The following GKAP1 variants were observed in gnomAD, a reference collection of about 807,000 sequenced individuals.
GKAP1 encodes G kinase anchoring protein 1.
A neutral mutation model predicts 56.7 loss-of-function variants in GKAP1; 31 were observed. The observed-to-expected ratio is 0.55, with a 90% confidence interval of 0.41 to 0.74. GKAP1 has a LOEUF of 0.74. Among genes scored for constraint, GKAP1 ranks in the 30% least tolerant of loss-of-function variants. The pLI, the probability that GKAP1 is intolerant of heterozygous loss-of-function variation, is 0.00. For synonymous variants in GKAP1, 151 were observed against 138.6 expected (o/e 1.09, Z -0.63); for missense variants, 364 against 402.3 (o/e 0.90, Z 0.82).
intron 6 of GKAP1, among the ~76,000 whole-genome samples, chr9:83,783,343 T>A (rs1049844686): frequency 6.6e-6 from 1 of 152,218 alleles, no homozygotes; most frequent in African/African-American, 2.4e-5. Flanking sequence ...TAATGTTGTA[T>A]AGCTGGACTA....
rs535511108 is a variant in GKAP1 at position 83,752,324 on chromosome 9, G to A, written c.840+934C>T. ...CCAGCTACTTGGGAGGCTGAGGCAG[G>A]AGAAGTGCTTGAACCCAGGAGGTGG... On this transcript the variant is annotated intron_variant, in intron 9 of 12. Transcript: ENST00000376371. 3.9e-5 allele frequency among the ~76,000 whole-genome samples: 6 copies of A among 152,328 alleles called. No individual in the cohort carries two copies. In the South Asian group the frequency reaches 1.2e-3, roughly 32 times the overall value.
At chr9:83,745,516 A>G (rs770061873) in intron 10 of GKAP1, among the ~76,000 whole-genome samples, 3 of 152,146 alleles carry the variant, frequency 2.0e-5, no homozygotes, top group Non-Finnish European at 4.4e-5. Flanking sequence ...TTTTTAATCT[A>G]TTTTTGAGAG....
chr9:83,770,827 T>C (rs1471301770), intron 7 of GKAP1, among the ~76,000 whole-genome samples: 1 of 152,168 alleles, frequency 6.6e-6, no homozygotes, highest in African/African-American at 2.4e-5. Flanking sequence ...CCCAAAGTGC[T>C]GGGATTACAG....
intron 10 of GKAP1, among the ~76,000 whole-genome samples, chr9:83,746,155 C>T (rs1943290339): frequency 6.6e-6 from 1 of 152,148 alleles, no homozygotes; most frequent in East Asian, 1.9e-4. Context: ...TAAGGTTGAA[C>T]CTACTTCAAG....
intron 8 of GKAP1, among the ~76,000 whole-genome samples, chr9:83,763,400 A>G (rs139970353): frequency 1.2e-3 from 189 of 152,328 alleles, no homozygotes; most frequent in African/African-American, 4.3e-3. Context: ...ATTAGTCAAT[A>G]ATTTAATTGT....
In GKAP1 at chr9:83,800,602, T is replaced by C. The variant is rs1027040490; in HGVS notation, c.217-1274A>G. Among the ~76,000 whole-genome samples, 6 of 152,252 alleles carry C rather than the reference T, an allele frequency of 3.9e-5. No homozygotes were observed. In the South Asian group the frequency reaches 1.2e-3, roughly 32 times the overall value. Reference sequence around the variant, plus strand: ...CACCCACCTCAGCCTCCCAAAAGTGTTGGGATTACAGGCGTGAGCCACCGC... The same window carrying C: ...CACCCACCTCAGCCTCCCAAAAGTGCTGGGATTACAGGCGTGAGCCACCGC... On this transcript the variant is annotated intron_variant, in intron 3 of 12. Coordinates refer to ENST00000376371, the MANE Select transcript of GKAP1 (RefSeq NM_025211.4).
intron 8 of GKAP1, among the ~76,000 whole-genome samples, chr9:83,753,832 G>A (rs916068447): frequency 6.6e-6 from 1 of 152,090 alleles, no homozygotes; most frequent in African/African-American, 2.4e-5. Flanking sequence ...ATAAAACTAG[G>A]AAGTGATCAG....
chr9:83,779,224 G>A (rs1360334277), intron 7 of GKAP1, among the ~76,000 whole-genome samples: 1 of 151,676 alleles, frequency 6.6e-6, no homozygotes, highest in Non-Finnish European at 1.5e-5. Flanking sequence ...AAAAAATGAT[G>A]ACAATGGTTT....
At chr9:83,779,448 T>TATACACACAC (rs1554742273) in intron 7 of GKAP1, among the ~76,000 whole-genome samples, 7 of 119,614 alleles carry the variant, frequency 5.9e-5, no homozygotes, top group Admixed American at 2.5e-4. Context: ...TATATATATA[T>TATACACACAC]ACACACACAC....
At chr9:83,770,103 AT>A (rs1382693848) in intron 7 of GKAP1, among the ~76,000 whole-genome samples, 1 of 152,080 alleles carries the variant, frequency 6.6e-6, no homozygotes, top group Non-Finnish European at 1.5e-5. Context: ...AAATGTCTAT[AT>A]CTTATTGAAT....
intron 2 of GKAP1, among the ~76,000 whole-genome samples, chr9:83,816,191 AG>A (rs1396973352): frequency 1.3e-5 from 2 of 152,054 alleles, no homozygotes; most frequent in Admixed American, 6.6e-5. Flanking sequence ...TTCCGCCTCA[AG>A]AAAAAAAAAA....
chr9:83,751,390 A>C (rs543385618), intron 9 of GKAP1, among the ~76,000 whole-genome samples: 4 of 152,264 alleles, frequency 2.6e-5, no homozygotes, highest in Non-Finnish European at 5.9e-5. Flanking sequence ...CATATCCTAC[A>C]TTGTACTGCA....
At chr9:83,774,602 A>T (rs2131275947) in intron 7 of GKAP1, among the ~76,000 whole-genome samples, 1 of 152,142 alleles carries the variant, frequency 6.6e-6, no homozygotes, top group South Asian at 2.1e-4. Flanking sequence ...TCAAAAAAAA[A>T]AAAAGCCAAT....
At chr9:83,790,412 C>T (rs754818851) in intron 4 of GKAP1, among the ~76,000 whole-genome samples, 2 of 152,142 alleles carry the variant, frequency 1.3e-5, no homozygotes, top group African/African-American at 4.8e-5. Flanking sequence ...CCATCAATTT[C>T]TCCACCTAAC....
At chr9:83,746,890 G>C (rs887089852) in intron 10 of GKAP1, among the ~76,000 whole-genome samples, 3 of 152,142 alleles carry the variant, frequency 2.0e-5, no homozygotes, top group African/African-American at 7.2e-5. Flanking sequence ...CCACAGATGG[G>C]GAACCCATGG....
At chr9:83,800,671 A>G (rs549019639) in intron 3 of GKAP1, among the ~76,000 whole-genome samples, 1 of 152,160 alleles carries the variant, frequency 6.6e-6, no homozygotes, top group Non-Finnish European at 1.5e-5. Context: ...GTTCAACTTG[A>G]AAGTTTCTCC....
intron 8 of GKAP1, among the ~76,000 whole-genome samples, chr9:83,756,470 C>CAAAAAAA (rs142896755): frequency 2.7e-5 from 2 of 75,420 alleles, no homozygotes; most frequent in Non-Finnish European, 4.9e-5. Context: ...GACTCCATCT[C>CAAAAAAA]AAAAAAAAAA....
chr9:83,797,003 T>C (rs2131309240), intron 4 of GKAP1, among the ~76,000 whole-genome samples: 1 of 152,292 alleles, frequency 6.6e-6, no homozygotes, highest in African/African-American at 2.4e-5. Flanking sequence ...CTAAGTACAA[T>C]GTGCTTTTCC....
intron 7 of GKAP1, among the ~76,000 whole-genome samples, chr9:83,771,982 G>A (rs548788213): frequency 6.6e-6 from 1 of 151,734 alleles, no homozygotes; most frequent in African/African-American, 2.4e-5. Context: ...TTTGAGTGAG[G>A]CCACAAAGTT....
Sources: gnomAD v4.1 joint callset for allele counts (sites outside exome capture counted in the v4.1 genomes callset) on GRCh38, gnomAD v4.1.1 for gene constraint, MANE v1.5 for transcripts, NCBI Gene and HGNC (gene_info 2026-07-23, HGNC 2026-07-21) for gene names.